GRM7: variants seen among roughly 807,000 people sequenced by gnomAD.
GRM7 encodes glutamate metabotropic receptor 7.
Under a neutral mutation model 84.5 loss-of-function variants are expected in GRM7, and 35 were observed. The observed-to-expected ratio is 0.41, with a 90% CI of 0.32 to 0.55. GRM7 has a LOEUF of 0.55. Ranked by LOEUF, GRM7 falls within the 20% of genes least tolerant of loss-of-function variation. GRM7 has a pLI of 0.19. For synonymous variants in GRM7, 487 were observed against 455.1 expected (o/e 1.07, Z -0.89); for missense variants, 1,003 against 1,194.6 (o/e 0.84, Z 2.36).
rs141047681 is a variant in GRM7, at chr3:7,559,948, A to G, written c.1516-18474A>G. ...ACCTTCTTTTGTGGACACCAGTTCT[A>G]TTGGATTAGGGCCCCACCTGTATGA... On this transcript the variant is annotated intron_variant, in intron 7 of 9. Coordinates refer to ENST00000357716, the MANE Select transcript of GRM7 (RefSeq NM_000844.4). Among the ~76,000 whole-genome samples, 711 of 152,072 alleles carry G rather than the reference A, an allele frequency of 4.7e-3. 5 individuals are homozygous for G. The highest frequency in any genetic ancestry group is 0.016 in the African/African-American group (681 of 41,514).
At chr3:7,307,486 A>G (rs1255243971) in intron 4 of GRM7, among the ~76,000 whole-genome samples, 2 of 152,118 alleles carry the variant, frequency 1.3e-5, no homozygotes, top group East Asian at 1.9e-4. Context: ...GGGATCAAAT[A>G]TTTGCATTTT....
At chr3:7,089,145 G>T (rs539349719) in intron 1 of GRM7, among the ~76,000 whole-genome samples, 1 of 152,250 alleles carries the variant, frequency 6.6e-6, no homozygotes, top group South Asian at 2.1e-4. Flanking sequence ...ATTGGGTAGA[G>T]TTTATTTTAT....
intron 8 of GRM7, chr3:7,607,114 G>T (rs1696615252): frequency 6.6e-6 from 1 of 152,138 alleles, no homozygotes; most frequent in Admixed American, 6.5e-5. Context: ...CTGTGGTTCT[G>T]CTCTTTCATA....
At chr3:7,473,697 A>G (rs550823422) in intron 7 of GRM7, among the ~76,000 whole-genome samples, 1 of 152,284 alleles carries the variant, frequency 6.6e-6, no homozygotes, top group East Asian at 1.9e-4. Flanking sequence ...AATACAGCAA[A>G]GAGGATTTTG....
At position 6,861,686 on chromosome 3, in the gene GRM7, A is replaced by G; in HGVS notation, c.298A>G (p.Thr100Ala). 1 of 1,614,088 alleles carries G rather than the reference A, an allele frequency of 6.2e-7. No homozygotes were observed. Among genetic ancestry groups the G allele is most frequent in the Non-Finnish European group, 8.5e-7 (1 of 1,180,004 alleles). ...NSDPNLLPNV[T>A]LGARILDTCS... The stretch of plus-strand genomic sequence containing the variant: ...TGATCCCAACCTACTGCCCAACGTG[A>G]CGCTGGGCGCGCGGATCCTGGACAC... The change falls in exon 1 of 10, where the codon ACG (threonine) becomes GCG (alanine). Residue 100 changes from threonine (T) to alanine (A), a missense_variant. Transcript: ENST00000357716. This position sits in a 1 kb window ranked among gnomAD's most constrained non-coding sequence, Gnocchi z 6.4.
intron 1 of GRM7, among the ~76,000 whole-genome samples, chr3:6,881,211 T>C (rs1292613300): frequency 6.6e-6 from 1 of 152,144 alleles, no homozygotes; most frequent in African/African-American, 2.4e-5. Flanking sequence ...TGTGCCATGG[T>C]GGTTTGCTGC....
chr3:7,685,732 A>C (rs1276158390), intron 9 of GRM7, among the ~76,000 whole-genome samples: 2 of 152,076 alleles, frequency 1.3e-5, no homozygotes, highest in Non-Finnish European at 2.9e-5. Context: ...TGCTGTTCTC[A>C]ACAAAATAAA....
chr3:7,419,857 T>C (rs192748489), intron 5 of GRM7, among the ~76,000 whole-genome samples: 94 of 152,304 alleles, frequency 6.2e-4, no homozygotes, highest in Middle Eastern at 3.4e-3. Context: ...ACATATATTT[T>C]TTGTAACAAG....
At chr3:6,977,635 T>C (rs1377671807) in intron 1 of GRM7, among the ~76,000 whole-genome samples, 1 of 152,092 alleles carries the variant, frequency 6.6e-6, no homozygotes, top group Admixed American at 6.6e-5. Context: ...TTTAAAACAA[T>C]CTAAGTTGTA....
At chr3:7,565,097 A>G (rs974270594) in intron 7 of GRM7, among the ~76,000 whole-genome samples, 10 of 152,232 alleles carry the variant, frequency 6.6e-5, no homozygotes, top group Admixed American at 3.9e-4. Flanking sequence ...CATTCATTAT[A>G]TACATAGATA....
intron 1 of GRM7, among the ~76,000 whole-genome samples, chr3:7,139,882 A>C (rs561897923): frequency 6.6e-5 from 10 of 152,182 alleles, no homozygotes; most frequent in Non-Finnish European, 1.5e-4. Flanking sequence ...GTAAAGAGAC[A>C]CCTAAATACA....
chr3:7,648,508 G>C (rs1373418483), intron 8 of GRM7, among the ~76,000 whole-genome samples: 1 of 151,932 alleles, frequency 6.6e-6, no homozygotes. Context: ...AGTTAGCTGG[G>C]CATGGTGGCA....
At chr3:7,299,791 T>C (rs1474210852) in intron 3 of GRM7, among the ~76,000 whole-genome samples, 1 of 152,168 alleles carries the variant, frequency 6.6e-6, no homozygotes, top group African/African-American at 2.4e-5. Context: ...ATAGGTACTG[T>C]AATTTATCTA....
chr3:7,280,645 A>T (rs1159342415), intron 2 of GRM7, among the ~76,000 whole-genome samples: 1 of 152,232 alleles, frequency 6.6e-6, no homozygotes, highest in Non-Finnish European at 1.5e-5. Flanking sequence ...TAGCGCTGGC[A>T]TATAGTACAA....
chr3:7,696,399 T>C (rs980208533), intron 9 of GRM7, among the ~76,000 whole-genome samples: 8 of 152,310 alleles, frequency 5.3e-5, no homozygotes, highest in African/African-American at 1.9e-4. Context: ...ATGGCAAGTT[T>C]GTTTGTGGTC....
At chr3:7,598,236 A>G (rs917986712) in intron 8 of GRM7, among the ~76,000 whole-genome samples, 3 of 152,198 alleles carry the variant, frequency 2.0e-5, no homozygotes, top group Admixed American at 6.5e-5. Context: ...GTAAAGTTTC[A>G]TGAAAGTTGG....
intron 7 of GRM7, among the ~76,000 whole-genome samples, chr3:7,533,146 C>T (rs927245917): frequency 1.3e-4 from 20 of 152,022 alleles, no homozygotes; most frequent in Non-Finnish European, 2.5e-4. Context: ...CCAAGCAGAC[C>T]GAATAGACAT....
chr3:6,988,163 A>AT (rs760807880), intron 1 of GRM7, among the ~76,000 whole-genome samples: 6,583 of 95,268 alleles, frequency 0.069, 859 homozygotes, highest in African/African-American at 0.18. Context: ...CGCCTGGCTA[A>AT]TTTTTTTTTT....
chr3:7,654,640 C>T (rs1699100083), intron 8 of GRM7, among the ~76,000 whole-genome samples: 1 of 152,192 alleles, frequency 6.6e-6, no homozygotes, highest in African/African-American at 2.4e-5. Flanking sequence ...CTCCACTAAT[C>T]AGCTCTGTGA....
Sources: gnomAD v4.1 joint callset for allele counts (sites outside exome capture counted in the v4.1 genomes callset) on GRCh38, gnomAD v4.1.1 for gene constraint, Gnocchi (gnomAD v3.1) non-coding constraint, MANE v1.5 for transcripts, NCBI Gene and HGNC (gene_info 2026-07-23, HGNC 2026-07-21) for gene names.